KCNE1: variants seen among roughly 807,000 people sequenced by gnomAD.
KCNE1 encodes the protein potassium voltage-gated channel subfamily E member 1.
A neutral mutation model predicts 2.9 loss-of-function variants in KCNE1; 1 was observed. The observed-to-expected ratio is 0.34, with a 90% confidence interval of 0.12 to 1.62. The LOEUF is 1.62. Ranked by LOEUF, KCNE1 falls within the 40% of genes most tolerant of loss-of-function variation. KCNE1 has a pLI of 0.36. For missense variants in KCNE1, 45 were observed against 150.5 expected (o/e 0.30, Z 3.67); for synonymous variants, 23 against 65.4 (o/e 0.35, Z 3.13).
chr21:34,500,858 C>T (rs1306501786), intron 2 of KCNE1, among the ~76,000 whole-genome samples: 1 of 152,174 alleles, frequency 6.6e-6, no homozygotes, highest in Non-Finnish European at 1.5e-5. Flanking sequence ...TGTGACTCTA[C>T]CATAATTCAC....
At chr21:34,503,965 A>C (rs1983320065) in intron 2 of KCNE1, among the ~76,000 whole-genome samples, 1 of 152,202 alleles carries the variant, frequency 6.6e-6, no homozygotes, top group African/African-American at 2.4e-5. Flanking sequence ...ATACATGTAC[A>C]TGCCCACAGC....
intron 2 of KCNE1, chr21:34,509,400 G>A (rs566395277): frequency 2.0e-4 from 31 of 152,240 alleles, no homozygotes; most frequent in African/African-American, 7.2e-4. Context: ...TGTCCTCTCA[G>A]GGTTCACCTG....
chr21:34,508,917 T>C (rs536470727), intron 2 of KCNE1, among the ~76,000 whole-genome samples: 4 of 152,366 alleles, frequency 2.6e-5, no homozygotes, highest in African/African-American at 9.6e-5. Flanking sequence ...AAGATTTAAA[T>C]TGGTGTTTTA....
intron 2 of KCNE1, among the ~76,000 whole-genome samples, chr21:34,503,560 C>T (rs977850277): frequency 2.0e-5 from 3 of 152,214 alleles, no homozygotes; most frequent in Admixed American, 1.3e-4. Flanking sequence ...AAGTCCTAAC[C>T]CTCTAATCAT....
rs968487757 is a variant in KCNE1 at position 34,500,694 on chromosome 21, A to G, written c.-162+10407T>C. On this transcript the variant is annotated intron_variant, in intron 2 of 3. Transcript: ENST00000399286. ...AATAAGCAAATATGTATATGTACAC[A>G]CATATATAATCTTATTTTTCAAAAA... Among the ~76,000 whole-genome samples, 3 of 152,328 alleles carry G rather than the reference A, an allele frequency of 2.0e-5. No homozygotes were observed. In the East Asian group the frequency reaches 5.8e-4, roughly 29 times the overall value.
Position 34,511,132 on chromosome 21 carries a change from A to G in KCNE1, c.-193T>C. The G allele has an allele frequency of 2.0e-6, 2 of 985,612 alleles. No individual in the cohort carries two copies. The highest frequency in any genetic ancestry group is 9.4e-5 in the South Asian group (2 of 21,286). 61.1% of individuals were successfully genotyped at this position (985,612 alleles called of 1,614,324 possible). On this transcript the variant is annotated 5_prime_UTR_variant, in exon 2 of 4. Transcript: ENST00000399286. ...TCGTTTCTGAAGTCTCCTCAAGCAC[A>G]CTGCGGTGTCCACACCATTGGCAGC... is the stretch of plus-strand genomic sequence containing the variant.
At chr21:34,510,692 C>T (rs1249073676) in intron 2 of KCNE1, 1 of 152,624 alleles carries the variant, frequency 6.6e-6, no homozygotes, top group African/African-American at 2.4e-5. Context: ...GCAGCCCACA[C>T]AGCTGAACAC....
At chr21:34,495,857 A>C (rs1982774088) in intron 2 of KCNE1, among the ~76,000 whole-genome samples, 1 of 151,430 alleles carries the variant, frequency 6.6e-6, no homozygotes, top group African/African-American at 2.4e-5. Flanking sequence ...CTTTTTGTTA[A>C]TGTTGTTGTT....
At chr21:34,497,345 T>C (rs1982872836) in intron 2 of KCNE1, among the ~76,000 whole-genome samples, 1 of 152,244 alleles carries the variant, frequency 6.6e-6, no homozygotes, top group South Asian at 2.1e-4. Flanking sequence ...GATTTAGAAC[T>C]CCTTTTAGCA....
intron 2 of KCNE1, among the ~76,000 whole-genome samples, chr21:34,498,052 T>C (rs1982919921): frequency 6.6e-6 from 1 of 152,234 alleles, no homozygotes; most frequent in South Asian, 2.1e-4. Context: ...TTTTTCTTTA[T>C]GATATCTATT....
intron 2 of KCNE1, among the ~76,000 whole-genome samples, chr21:34,505,562 C>T (rs759381423): frequency 2.0e-5 from 3 of 152,114 alleles, no homozygotes; most frequent in Non-Finnish European, 4.4e-5. Context: ...GGCATCATGC[C>T]AGGCTTAGGG....
At chr21:34,510,996 C>G (rs1297154041) in intron 2 of KCNE1, 105 bp downstream of exon 2, 2 of 281,080 alleles carry the variant, frequency 7.1e-6, no homozygotes, top group Non-Finnish European at 1.1e-5. Flanking sequence ...TGGCACCTGT[C>G]AATGGATGAG....
chr21:34,511,416 T>C, intron 1 of KCNE1, 101 bp from the exon 2 acceptor site: 13 of 377,328 alleles, frequency 3.4e-5, no homozygotes, highest in Non-Finnish European at 4.4e-5. Context: ...GCTCCACCCT[T>C]ATGAATGGAT....
chr21:34,452,033 T>TC lies in KCNE1; in HGVS notation c.-50-2350dup, dbSNP rs1221157066. The stretch of plus-strand genomic sequence containing the variant: ...TCCCATCTTGAAGGCCTTCCTTGGC[T>TC]CCTCCCTGCCTTCAGGGTGAAACTC... On this transcript the variant is annotated intron_variant, in intron 3 of 3. Coordinates refer to ENST00000399286, the MANE Select transcript of KCNE1 (RefSeq NM_000219.6). Among the ~76,000 whole-genome samples the TC allele has an allele frequency of 4.0e-5, 2 of 50,600 alleles. 1 individual carries two copies. The highest frequency in any genetic ancestry group is 1.7e-3 in the East Asian group (2 of 1,156). 33.2% of individuals were successfully genotyped at this position (50,600 alleles called of 152,430 possible).
At chr21:34,504,839 G>T (rs1983387549) in intron 2 of KCNE1, among the ~76,000 whole-genome samples, 1 of 152,184 alleles carries the variant, frequency 6.6e-6, no homozygotes, top group African/African-American at 2.4e-5. Flanking sequence ...TGAAAGTCCA[G>T]AATAGGGAAA....
intron 2 of KCNE1, among the ~76,000 whole-genome samples, chr21:34,500,668 C>T (rs1009572136): frequency 3.3e-5 from 5 of 152,110 alleles, no homozygotes; most frequent in African/African-American, 1.2e-4. Flanking sequence ...TGTTTCTTTA[C>T]AATAAGCAAA....
intron 2 of KCNE1, chr21:34,510,848 T>C (rs1285272904): frequency 2.0e-5 from 3 of 152,644 alleles, no homozygotes; most frequent in Non-Finnish European, 4.4e-5. Context: ...CACTAGGCCA[T>C]GCCCTGGCCT....
chr21:34,506,421 A>G (rs1192776664), intron 2 of KCNE1, among the ~76,000 whole-genome samples: 1 of 152,158 alleles, frequency 6.6e-6, no homozygotes, highest in Non-Finnish European at 1.5e-5. Flanking sequence ...ACGTGGGGAA[A>G]GCCAGGCCCA....
rs1180499993 is a variant in KCNE1 at position 34,511,217 on chromosome 21, G to T, written c.-278C>A. 9.1e-6 allele frequency: 9 copies of T among 985,586 alleles called. No individual in the cohort carries two copies. The highest frequency in any genetic ancestry group is 1.1e-5 in the Non-Finnish European group (9 of 830,166). The allele number at this position is 985,586 out of a possible 1,614,324, so 61.1% of individuals were successfully genotyped here. A position where few individuals can be genotyped will look rare whatever the true frequency, so the allele number is the denominator to read the frequency against. ...TCAGAACTTTTTGAGTTATCCTTCT[G>T]GTCTCTTCCTCCTGAGCACGGTTCT... On this transcript the variant is annotated 5_prime_UTR_variant, in exon 2 of 4. Coordinates refer to ENST00000399286, the MANE Select transcript of KCNE1 (RefSeq NM_000219.6).
Sources: allele counts gnomAD v4.1 joint callset (sites outside exome capture counted in the v4.1 genomes callset), GRCh38; gene constraint gnomAD v4.1.1; transcripts MANE v1.5; gene names NCBI Gene and HGNC (gene_info 2026-07-23, HGNC 2026-07-21).